DGKB: variants seen among roughly 807,000 people sequenced by gnomAD.
DGKB encodes the protein 90 kDa diacylglycerol kinase.
Under a neutral mutation model 114.3 loss-of-function variants are expected in DGKB, and 67 were observed. The ratio of observed to expected loss-of-function variants is 0.59; its 90% confidence interval spans 0.48 to 0.72. The LOEUF is 0.72. Among genes scored for constraint, DGKB ranks in the 30% least tolerant of loss-of-function variants. The pLI is 0.00. For missense variants in DGKB, 907 were observed against 975.2 expected, an observed-to-expected ratio of 0.93 and a Z score of 0.93; for synonymous variants, 398 against 323.1, an observed-to-expected ratio of 1.23 and a Z score of -2.49.
At chr7:14,934,322 A>G (rs1214248191) in intron 1 of DGKB, among the ~76,000 whole-genome samples, 1 of 152,158 alleles carries the variant, frequency 6.6e-6, no homozygotes, top group East Asian at 1.9e-4. Flanking sequence ...AACATTATGT[A>G]TTTTTGTGTT....
intron 23 of DGKB, chr7:14,191,439 A>G (rs1784301651): frequency 5.8e-6 from 1 of 171,634 alleles, no homozygotes; most frequent in South Asian, 1.7e-4. Flanking sequence ...TCACCTGTAA[A>G]GATGGCAATG....
chr7:14,786,118 A>C (rs952633267), intron 2 of DGKB, among the ~76,000 whole-genome samples: 1 of 151,764 alleles, frequency 6.6e-6, no homozygotes, highest in African/African-American at 2.4e-5. Context: ...ATCAAAGATT[A>C]GAAAAATTTC....
At chr7:14,465,504 C>T (rs575916631) in intron 21 of DGKB, among the ~76,000 whole-genome samples, 7 of 152,082 alleles carry the variant, frequency 4.6e-5, no homozygotes, top group Admixed American at 3.9e-4. Context: ...ATAAGATGAT[C>T]AATCATAATT....
At chr7:14,574,408 C>G (rs747427397) in intron 19 of DGKB, 36 bp from the exon 20 acceptor site, 1 of 1,560,002 alleles carries the variant, frequency 6.4e-7, no homozygotes, top group Non-Finnish European at 8.7e-7. Context: ...GAAAAGAACT[C>G]TAACCAAATA....
chr7:14,838,607 T>C (rs1403064206), intron 2 of DGKB, among the ~76,000 whole-genome samples: 3 of 152,158 alleles, frequency 2.0e-5, no homozygotes, highest in Admixed American at 6.5e-5. Context: ...ATTTCAATAT[T>C]ATAAAATCTG....
At chr7:14,603,481 A>T (rs1348811328) in intron 17 of DGKB, among the ~76,000 whole-genome samples, 4 of 152,104 alleles carry the variant, frequency 2.6e-5, no homozygotes, top group Non-Finnish European at 4.4e-5. Flanking sequence ...ATATGGTAGA[A>T]ATTTGGTTAT....
At chr7:14,437,782 G>A (rs537138228) in intron 21 of DGKB, among the ~76,000 whole-genome samples, 1 of 149,826 alleles carries the variant, frequency 6.7e-6, no homozygotes, top group Non-Finnish European at 1.5e-5. Context: ...GTTCTCCCTA[G>A]GGTTATCTCG....
At chr7:14,653,628 A>G (rs556384247) in intron 13 of DGKB, among the ~76,000 whole-genome samples, 50 of 150,740 alleles carry the variant, frequency 3.3e-4, no homozygotes, top group African/African-American at 1.2e-3. Flanking sequence ...CACAATGTGC[A>G]CATGTACTCT....
At chr7:14,810,871 A>G (rs529157112) in intron 2 of DGKB, among the ~76,000 whole-genome samples, 3 of 152,280 alleles carry the variant, frequency 2.0e-5, no homozygotes, top group African/African-American at 7.2e-5. Context: ...GGCCTCCCAA[A>G]GTGGTGGGAT....
chr7:14,860,117 C>T (rs1054008427), intron 1 of DGKB, among the ~76,000 whole-genome samples: 3 of 152,046 alleles, frequency 2.0e-5, no homozygotes, highest in Non-Finnish European at 2.9e-5. Context: ...TTACATGATA[C>T]ACTCTAACAA....
Position 14,701,749 on chromosome 7 carries a change from T to A in DGKB, c.467-19A>T. 6.3e-7 allele frequency: 1 copy of A among 1,575,658 alleles called. No homozygotes were observed. The highest frequency in any genetic ancestry group is 8.7e-7 in the Non-Finnish European group (1 of 1,145,360). On this transcript the variant is annotated intron_variant, in intron 6 of 25. Coordinates refer to ENST00000402815, the MANE Select transcript of DGKB (RefSeq NM_001350709.2). Reference sequence around the variant, plus strand: ...AACATAACTAGAATGAAAGAGGTGTTGAAAACAAGATTATAGGCAAATAAG... The same window carrying A: ...AACATAACTAGAATGAAAGAGGTGTAGAAAACAAGATTATAGGCAAATAAG...
intron 19 of DGKB, among the ~76,000 whole-genome samples, chr7:14,580,367 T>C (rs1799748158): frequency 6.6e-6 from 1 of 152,236 alleles, no homozygotes. Flanking sequence ...AAGGTACTTT[T>C]GTTTTTCTTT....
chr7:14,866,287 T>C (rs1851702946), intron 1 of DGKB, among the ~76,000 whole-genome samples: 1 of 152,128 alleles, frequency 6.6e-6, no homozygotes, highest in South Asian at 2.1e-4. Context: ...AGTCCATAGT[T>C]TACATTAGGA....
rs1378272420 is a variant in DGKB at position 14,356,447 on chromosome 7, C to T, written c.1836-11056G>A. 1.7e-4 allele frequency among the ~76,000 whole-genome samples: 25 copies of T among 150,306 alleles called. No homozygotes were observed. In the East Asian group the frequency reaches 2.2e-3, roughly 13 times the overall value. On this transcript the variant is annotated intron_variant, in intron 21 of 25. Coordinates refer to ENST00000402815, the MANE Select transcript of DGKB (RefSeq NM_001350709.2). ...CACGATCTCGGCTCACTGCAAGCTC[C>T]GCCTTCCGGGTTTATGCCATTCTCT...
At chr7:14,925,873 C>G (rs35762122) in intron 1 of DGKB, among the ~76,000 whole-genome samples, 1 of 151,870 alleles carries the variant, frequency 6.6e-6, no homozygotes. Context: ...GGTCCCCCCC[C>G]CACTTCCAGT....
chr7:14,722,838 A>T (rs774916561), intron 5 of DGKB, among the ~76,000 whole-genome samples: 53 of 151,878 alleles, frequency 3.5e-4, no homozygotes, highest in Non-Finnish European at 4.6e-4. Context: ...AAATAAAAAT[A>T]AAAAAACTCA....
chr7:14,399,616 A>C (rs1030342646), intron 21 of DGKB, among the ~76,000 whole-genome samples: 3 of 151,864 alleles, frequency 2.0e-5, no homozygotes, highest in Non-Finnish European at 2.9e-5. Context: ...CTATATATTT[A>C]CTTGTATAAA....
At chr7:14,480,464 C>A (rs1252718930) in intron 20 of DGKB, among the ~76,000 whole-genome samples, 2 of 152,100 alleles carry the variant, frequency 1.3e-5, no homozygotes, top group Admixed American at 1.3e-4. Flanking sequence ...ACATGGGACC[C>A]TGTCCCTTTG....
At chr7:14,860,307 T>A (rs1850786905) in intron 1 of DGKB, among the ~76,000 whole-genome samples, 1 of 152,106 alleles carries the variant, frequency 6.6e-6, no homozygotes, top group Non-Finnish European at 1.5e-5. Context: ...AAAAATTTAT[T>A]TCATTCTTTC....
Sources: gnomAD v4.1 joint callset for allele counts (sites outside exome capture counted in the v4.1 genomes callset) on GRCh38, gnomAD v4.1.1 for gene constraint, MANE v1.5 for transcripts, NCBI Gene and HGNC (gene_info 2026-07-23, HGNC 2026-07-21) for gene names.